PPM1L: variants seen among roughly 807,000 people sequenced by gnomAD.
The protein encoded by PPM1L is protein phosphatase, Mg2+/Mn2+ dependent 1L.
In PPM1L, 13 loss-of-function variants were observed where a neutral mutation model predicts 31.4. The ratio of observed to expected loss-of-function variants is 0.41; its 90% CI spans 0.27 to 0.66. The LOEUF (loss-of-function observed/expected upper bound fraction) is 0.66. Among genes scored for constraint, PPM1L ranks in the 30% least tolerant of loss-of-function variants. The probability of loss-of-function intolerance (pLI) is 0.29; values close to 1 mark genes in which losing one functional copy is unlikely to be tolerated. For synonymous variants in PPM1L, 184 were observed against 175.4 expected (o/e 1.05, Z -0.39); for missense variants, 326 against 453.7 (o/e 0.72, Z 2.56).
intron 2 of PPM1L, among the ~76,000 whole-genome samples, chr3:160,996,453 C>T (rs1717328118): frequency 6.6e-6 from 1 of 152,154 alleles, no homozygotes; most frequent in Non-Finnish European, 1.5e-5. Context: ...CAATACTACT[C>T]GGCCATATAA....
At chr3:160,922,028 C>T (rs537833176) in intron 1 of PPM1L, among the ~76,000 whole-genome samples, 11 of 152,194 alleles carry the variant, frequency 7.2e-5, no homozygotes, top group Non-Finnish European at 1.0e-4. Context: ...TTCCTGCTGA[C>T]GGCTGGGCAC....
chr3:160,910,835 T>A (rs552662278), intron 1 of PPM1L, among the ~76,000 whole-genome samples: 10 of 152,348 alleles, frequency 6.6e-5, no homozygotes, highest in Non-Finnish European at 7.4e-5. Context: ...TTTGCACCTT[T>A]ATTGCAGGCT....
At chr3:160,918,671 A>G (rs1046663062) in intron 1 of PPM1L, among the ~76,000 whole-genome samples, 5 of 152,210 alleles carry the variant, frequency 3.3e-5, no homozygotes, top group African/African-American at 1.2e-4. Context: ...ATATTTCTAT[A>G]ATTTTAAAAA....
chr3:160,761,304 A>G (rs1421262337), intron 1 of PPM1L, among the ~76,000 whole-genome samples: 1 of 152,086 alleles, frequency 6.6e-6, no homozygotes, highest in Non-Finnish European at 1.5e-5. Flanking sequence ...TTTCCTCTCC[A>G]TCATTTGCTT....
chr3:160,774,927 G>A (rs1172624304), intron 1 of PPM1L, among the ~76,000 whole-genome samples: 2 of 152,210 alleles, frequency 1.3e-5, no homozygotes, highest in East Asian at 3.8e-4. Flanking sequence ...CAGTGATAAT[G>A]ATACCTTGCA....
intron 2 of PPM1L, among the ~76,000 whole-genome samples, chr3:161,057,218 G>A (rs964345773): frequency 1.3e-5 from 2 of 152,094 alleles, no homozygotes; most frequent in South Asian, 4.2e-4. Flanking sequence ...GAGATGTGAT[G>A]CCAACATTAC....
At chr3:161,035,212 A>T (rs1005514840) in intron 2 of PPM1L, among the ~76,000 whole-genome samples, 3 of 107,500 alleles carry the variant, frequency 2.8e-5, no homozygotes, top group Non-Finnish European at 3.9e-5. Context: ...AGTATAATTA[A>T]AAAAAAAAAA....
intron 1 of PPM1L, among the ~76,000 whole-genome samples, chr3:160,885,667 A>G (rs904442234): frequency 6.6e-6 from 1 of 152,220 alleles, no homozygotes; most frequent in African/African-American, 2.4e-5. Context: ...GTGAGTGAGC[A>G]TGCTACCTAG....
At chr3:160,955,025 T>C (rs1225935532) in intron 1 of PPM1L, among the ~76,000 whole-genome samples, 3 of 150,184 alleles carry the variant, frequency 2.0e-5, no homozygotes, top group African/African-American at 7.4e-5. Flanking sequence ...CTCTTTCTTC[T>C]TTTTTTGACA....
At chr3:160,999,341 C>CA (rs1464737042) in intron 2 of PPM1L, among the ~76,000 whole-genome samples, 1 of 152,182 alleles carries the variant, frequency 6.6e-6, no homozygotes, top group Non-Finnish European at 1.5e-5. Flanking sequence ...AGCTTAAGAT[C>CA]ATACTGTGGT....
chr3:160,829,705 G>A (rs1294495538), intron 1 of PPM1L, among the ~76,000 whole-genome samples: 1 of 152,182 alleles, frequency 6.6e-6, no homozygotes, highest in East Asian at 1.9e-4. Context: ...TAGCCTGTCA[G>A]CTCTTCTTGT....
At chr3:160,921,895 A>C (rs1390020730) in intron 1 of PPM1L, among the ~76,000 whole-genome samples, 1 of 152,188 alleles carries the variant, frequency 6.6e-6, no homozygotes, top group Non-Finnish European at 1.5e-5. Flanking sequence ...AGAGTTGCAG[A>C]GACCCAGAGC....
At chr3:160,771,938 C>T (rs911523220) in intron 1 of PPM1L, among the ~76,000 whole-genome samples, 3 of 151,866 alleles carry the variant, frequency 2.0e-5, no homozygotes, top group Admixed American at 2.0e-4. Context: ...GAAGAGAGAC[C>T]AACTGGGGAT....
At chr3:160,866,115 C>T (rs1025980167) in intron 1 of PPM1L, among the ~76,000 whole-genome samples, 10 of 152,114 alleles carry the variant, frequency 6.6e-5, no homozygotes, top group African/African-American at 2.4e-4. Context: ...TTTTCTCCCC[C>T]TGTTAGACAT....
At chr3:160,961,969 C>A in intron 2 of PPM1L, 59 bp downstream of exon 2, 3 of 1,341,228 alleles carry the variant, frequency 2.2e-6, no homozygotes, top group Admixed American at 2.5e-5. Context: ...CATTATAAAC[C>A]TTGATTAAAC....
intron 1 of PPM1L, among the ~76,000 whole-genome samples, chr3:160,930,701 C>A (rs184899994): frequency 6.6e-6 from 1 of 152,136 alleles, no homozygotes; most frequent in Admixed American, 6.5e-5. Flanking sequence ...AGGGAAGCTT[C>A]GTATGGGAAA....
chr3:160,762,371 A>G (rs1300100666), intron 1 of PPM1L, among the ~76,000 whole-genome samples: 2 of 152,192 alleles, frequency 1.3e-5, no homozygotes, highest in Admixed American at 6.5e-5. Context: ...ATGGGAATGT[A>G]GGAACCTGAC....
chr3:160,846,000 T>C (rs1714063740), intron 1 of PPM1L, among the ~76,000 whole-genome samples: 1 of 151,998 alleles, frequency 6.6e-6, no homozygotes, highest in Non-Finnish European at 1.5e-5. Context: ...ATTTTTCCAA[T>C]TGCAAAAAGA....
chr3:160,982,807 A>G (rs1287077503), intron 2 of PPM1L, among the ~76,000 whole-genome samples: 1 of 152,164 alleles, frequency 6.6e-6, no homozygotes, highest in Non-Finnish European at 1.5e-5. Flanking sequence ...CTCTGTTCCT[A>G]AAGAAAACAA....
Sources: allele counts gnomAD v4.1 joint callset (sites outside exome capture counted in the v4.1 genomes callset), GRCh38; gene constraint gnomAD v4.1.1; transcripts MANE v1.5; gene names NCBI Gene and HGNC (gene_info 2026-07-23, HGNC 2026-07-21).